SRPK1: variants seen among roughly 807,000 people sequenced by gnomAD.
SRPK1 encodes SFRS protein kinase 1.
Under a neutral mutation model 89.5 loss-of-function variants are expected in SRPK1, and 52 were observed. The observed-to-expected ratio is 0.58, with a 90% CI of 0.46 to 0.73. The LOEUF is 0.73. SRPK1 is among the 30% of genes least tolerant of loss of function. The probability of loss-of-function intolerance (pLI) is 0.00; values close to 1 mark genes in which losing one functional copy is unlikely to be tolerated. For missense variants in SRPK1, 603 were observed against 780.6 expected (o/e 0.77, Z 2.71); for synonymous variants, 255 against 270.2 (o/e 0.94, Z 0.55).
chr6:35,846,263 GAA>G (rs11333285), intron 13 of SRPK1, among the ~76,000 whole-genome samples: 3 of 142,998 alleles, frequency 2.1e-5, no homozygotes, highest in Admixed American at 1.4e-4. Context: ...CATCTCTTAA[GAA>G]AAAAAAAAAA....
At chr6:35,842,637 CAAAAG>C in intron 13 of SRPK1, 33 bp from the exon 14 acceptor site, 3 of 1,533,480 alleles carry the variant, frequency 2.0e-6, no homozygotes, top group Non-Finnish European at 2.6e-6. Flanking sequence ...TATGAAAGCA[CAAAAG>C]AAAAGAAGGC....
intron 3 of SRPK1, 97 bp downstream of exon 3, chr6:35,890,798 G>A: frequency 7.6e-6 from 8 of 1,050,146 alleles, no homozygotes; most frequent in Non-Finnish European, 1.0e-5. Context: ...CAAGTAAACA[G>A]CAATAAAACT....
intron 6 of SRPK1, among the ~76,000 whole-genome samples, chr6:35,880,989 A>T (rs925139675): frequency 6.6e-5 from 10 of 152,058 alleles, no homozygotes; most frequent in African/African-American, 2.4e-4. Flanking sequence ...CACTAAGATT[A>T]TCAGCAAGTT....
chr6:35,844,706 G>A (rs182778551), intron 13 of SRPK1, among the ~76,000 whole-genome samples: 26 of 152,176 alleles, frequency 1.7e-4, no homozygotes, highest in Non-Finnish European at 2.8e-4. Context: ...GCAGATACTT[G>A]TTCTACCCTG....
rs534961410 is a variant in SRPK1, at chr6:35,843,038, G to C, written c.1621-434C>G. 1.5e-3 allele frequency among the ~76,000 whole-genome samples: 223 copies of C among 150,218 alleles called. 3 individuals carry two copies. Among genetic ancestry groups the C allele is most frequent in the African/African-American group, 5.0e-3 (205 of 40,820 alleles). ...GGCTGGAGTGCAGTGGCACGGTCTCGGCTCACTGCAAGCTCCGCCTCCTGG... is the reference window on the plus strand; with the variant it reads ...GGCTGGAGTGCAGTGGCACGGTCTCCGCTCACTGCAAGCTCCGCCTCCTGG... On this transcript the variant is annotated intron_variant, in intron 13 of 15. Coordinates refer to ENST00000373825, the MANE Select transcript of SRPK1 (RefSeq NM_003137.5).
chr6:35,856,019 G>A (rs892243046), intron 13 of SRPK1, among the ~76,000 whole-genome samples: 5 of 152,146 alleles, frequency 3.3e-5, no homozygotes, highest in Non-Finnish European at 5.9e-5. Context: ...GAGCCACCGT[G>A]GCCAGCCCCT....
In SRPK1 at chr6:35,921,095, T is replaced by C. The variant is rs1326546093; in HGVS notation, c.-39A>G. 6.8e-7 allele frequency: 1 copy of C among 1,468,204 alleles called. No individual in the cohort carries two copies. The highest frequency in any genetic ancestry group is 9.1e-7 in the Non-Finnish European group (1 of 1,103,874). 90.9% of individuals were successfully genotyped at this position (1,468,204 alleles called of 1,614,324 possible). A position where few individuals can be genotyped will look rare whatever the true frequency, so the allele number is the denominator to read the frequency against. On this transcript the variant is annotated 5_prime_UTR_variant, in exon 1 of 16. Coordinates refer to ENST00000373825, the MANE Select transcript of SRPK1 (RefSeq NM_003137.5). ...ATCGCCAGGCGCCTGCGCACTCGAGTGGCGGCGACTCCCGCTCCCGCCGCG... is the reference window on the plus strand; with the variant it reads ...ATCGCCAGGCGCCTGCGCACTCGAGCGGCGGCGACTCCCGCTCCCGCCGCG...
intron 2 of SRPK1, among the ~76,000 whole-genome samples, chr6:35,901,704 T>C (rs908566644): frequency 6.6e-6 from 1 of 152,224 alleles, no homozygotes; most frequent in African/African-American, 2.4e-5. Flanking sequence ...CGAGATGCTA[T>C]TTTAGGTTCT....
intron 6 of SRPK1, among the ~76,000 whole-genome samples, chr6:35,880,746 A>AAAAAAAAAAAAAGAAAGAAAGAAAGAAAG (rs1770263877): frequency 2.2e-5 from 2 of 89,228 alleles, no homozygotes; most frequent in African/African-American, 9.1e-5. Context: ...AAAAAAAAAA[A>AAAAAAAAAAAAAGAAAGAAAGAAAGAAAG]AAAAGAAAAG....
At chr6:35,878,973 C>G (rs781230170) in intron 6 of SRPK1, among the ~76,000 whole-genome samples, 1 of 152,032 alleles carries the variant, frequency 6.6e-6, no homozygotes, top group Non-Finnish European at 1.5e-5. Context: ...CACCTGTAAT[C>G]CCAGCTACAT....
chr6:35,866,129 C>A (rs750067864), intron 12 of SRPK1, among the ~76,000 whole-genome samples: 2 of 151,930 alleles, frequency 1.3e-5, no homozygotes, highest in Non-Finnish European at 2.9e-5. Flanking sequence ...TATCACTAAC[C>A]AGCAGAGAAA....
chr6:35,876,172 C>G (rs554584186), intron 6 of SRPK1, among the ~76,000 whole-genome samples: 1 of 143,752 alleles, frequency 7.0e-6, no homozygotes, highest in South Asian at 2.2e-4. Context: ...AAACACAGAT[C>G]AAAATTACAG....
At chr6:35,865,856 T>G (rs952728170) in intron 12 of SRPK1, among the ~76,000 whole-genome samples, 2 of 150,758 alleles carry the variant, frequency 1.3e-5, no homozygotes, top group African/African-American at 4.9e-5. Context: ...GCAACAAAAA[T>G]AAAAATAGAC....
intron 2 of SRPK1, among the ~76,000 whole-genome samples, chr6:35,907,126 T>C (rs192490291): frequency 1.7e-3 from 253 of 152,240 alleles, no homozygotes; most frequent in South Asian, 7.3e-3. Context: ...GATGAAAGTT[T>C]ACACCACCAC....
At chr6:35,856,748 T>C (rs548714924) in intron 13 of SRPK1, among the ~76,000 whole-genome samples, 1 of 152,286 alleles carries the variant, frequency 6.6e-6, no homozygotes, top group Non-Finnish European at 1.5e-5. Context: ...AGGATATTAG[T>C]AGGAAATCAT....
intron 12 of SRPK1, among the ~76,000 whole-genome samples, chr6:35,857,760 A>G (rs1769696491): frequency 6.6e-6 from 1 of 152,194 alleles, no homozygotes; most frequent in African/African-American, 2.4e-5. Context: ...GAGCTACCAC[A>G]CCAAGGAATC....
chr6:35,857,419 A>G, intron 12 of SRPK1, 51 bp from the exon 13 acceptor site: 20 of 1,353,360 alleles, frequency 1.5e-5, no homozygotes, highest in Non-Finnish European at 2.1e-5. Context: ...AAAAGTAACA[A>G]GTCAATACTG....
rs116883438 is a variant in SRPK1 at position 35,893,590 on chromosome 6, A to G, written c.75-2577T>C. 1.7e-3 allele frequency among the ~76,000 whole-genome samples: 262 copies of G among 152,310 alleles called. 6 individuals carry two copies. The South Asian group carries it at 0.026, about 15-fold the overall frequency. On this transcript the variant is annotated intron_variant, in intron 2 of 15. Transcript: ENST00000373825. ...GGTATTTATCTTGCAGGGGGCAAAA[A>G]AGGAGGCCTATTCTCTAAAGAAAAT...
At chr6:35,873,024 C>T (rs1561980219) in intron 7 of SRPK1, among the ~76,000 whole-genome samples, 2 of 152,216 alleles carry the variant, frequency 1.3e-5, no homozygotes, top group African/African-American at 2.4e-5. Flanking sequence ...AACACACACA[C>T]ACCCTCTAAG....
Sources: allele counts gnomAD v4.1 joint callset (sites outside exome capture counted in the v4.1 genomes callset), GRCh38; gene constraint gnomAD v4.1.1; transcripts MANE v1.5; gene names NCBI Gene and HGNC (gene_info 2026-07-23, HGNC 2026-07-21).